Variants in KDM3A observed in about 807,000 individuals in gnomAD.
The protein encoded by KDM3A is lysine demethylase 3A.
Under a neutral mutation model 158.0 loss-of-function variants are expected in KDM3A, and 60 were observed. The observed-to-expected ratio is 0.38, with a 90% CI of 0.31 to 0.47. The LOEUF is 0.47. KDM3A is among the 20% of genes least tolerant of loss of function. The pLI is 0.99. For synonymous variants in KDM3A, 608 were observed against 549.3 expected (o/e 1.11, Z -1.49); for missense variants, 1,319 against 1,574.3 (o/e 0.84, Z 2.74).
In KDM3A at chr2:86,478,525, G is replaced by A. The variant is rs1007609872; in HGVS notation, c.2189-83G>A. ...GGAGTGGGAAAAGTAATCCTGTGGGGAATGCCAGCTTCTGCTCTGTAATGT... is the reference window on the plus strand; with the variant it reads ...GGAGTGGGAAAAGTAATCCTGTGGGAAATGCCAGCTTCTGCTCTGTAATGT... On this transcript the variant is annotated intron_variant, in intron 14 of 25. Coordinates refer to ENST00000312912, the MANE Select transcript of KDM3A (RefSeq NM_018433.6). The A allele has an allele frequency of 3.8e-5, 55 of 1,457,734 alleles. No individual in the cohort carries two copies. In the African/African-American group the frequency reaches 6.2e-4, roughly 16 times the overall value. The allele number at this position is 1,457,734 out of a possible 1,614,324, so 90.3% of individuals were successfully genotyped here.
Position 86,466,465 on chromosome 2 carries a change from G to T in KDM3A, c.1101G>T (p.Gly367=). 1 of 1,613,904 alleles carries T rather than the reference G, an allele frequency of 6.2e-7. No homozygotes were observed. The highest frequency in any genetic ancestry group is 8.5e-7 in the Non-Finnish European group (1 of 1,179,836). ...LRTKPDVCKA[G]LLSKSSQIGT... ...CAAAACCAGATGTCTGCAAAGCAGG[G>T]TTGCTCTCAAAGTCCTCTCAGATTG... is the stretch of plus-strand genomic sequence containing the variant. The change falls in exon 10 of 26, where the codon GGG becomes GGT. Residue 367 remains glycine (G), a synonymous_variant. Transcript: ENST00000312912.
At chr2:86,468,345 A>G (rs1366860329) in intron 10 of KDM3A, among the ~76,000 whole-genome samples, 1 of 152,206 alleles carries the variant, frequency 6.6e-6, no homozygotes, top group East Asian at 1.9e-4. Flanking sequence ...ATTCATAACC[A>G]TATCCTTGTT....
Position 86,466,413 on chromosome 2 carries a change from T to C in KDM3A, c.1049T>C (p.Leu350Pro). Reference sequence around the variant, plus strand: ...TTACCAGAGGAAATTTCTTCCTGTCTAAATACAAAGTCTGAAGCTCTGAGA... The same window carrying C: ...TTACCAGAGGAAATTTCTTCCTGTCCAAATACAAAGTCTGAAGCTCTGAGA... ...QSLPEEISSC[L>P]NTKSEALRTK... The change falls in exon 10 of 26, where the codon CTA becomes CCA. Residue 350 changes from leucine (L) to proline (P), a missense_variant. Around this residue, in one of 4 missense-constraint regions of KDM3A, gnomAD observed 652 missense variants for 627.2 expected, o/e 1.04. Coordinates refer to ENST00000312912, the MANE Select transcript of KDM3A (RefSeq NM_018433.6). 1 of 1,613,314 alleles carries C rather than the reference T, an allele frequency of 6.2e-7. No homozygotes were observed. The highest frequency in any genetic ancestry group is 8.5e-7 in the Non-Finnish European group (1 of 1,179,600).
Position 86,489,400 on chromosome 2 carries a change from T to C in KDM3A, c.3396T>C (p.Tyr1132=), listed in dbSNP as rs1245203761. 4 of 1,613,980 alleles carry C rather than the reference T, an allele frequency of 2.5e-6. No individual in the cohort carries two copies. In the African/African-American group the frequency reaches 4.0e-5, roughly 16 times the overall value. The change falls in exon 22 of 26, where the codon TAT becomes TAC. Residue 1132 remains tyrosine, a synonymous_variant. Transcript: ENST00000312912. ...CTGATGCAGCTAATGTCATGGTCTA[T>C]GTGGGAATTCCCAAAGGACAGTGTG... The part of the protein sequence containing the change: ...DVSDAANVMV[Y]VGIPKGQCEQ...
chr2:86,464,656 G>C (rs1352031869), intron 9 of KDM3A, among the ~76,000 whole-genome samples: 2 of 152,200 alleles, frequency 1.3e-5, no homozygotes, highest in Non-Finnish European at 2.9e-5. Context: ...AAGAATAATA[G>C]AAATGAGGAA....
rs748576324 is a variant in KDM3A, at chr2:86,442,179, C to T, written c.132C>T (p.Leu44=). 6 of 1,613,832 alleles carry T rather than the reference C, an allele frequency of 3.7e-6. No individual in the cohort carries two copies. Among genetic ancestry groups the T allele is most frequent in the South Asian group, 3.3e-5 (3 of 91,068 alleles). Residue 44 remains leucine, a synonymous_variant, in exon 2 of 26, where the codon CTC becomes CTT. Coordinates refer to ENST00000312912, the MANE Select transcript of KDM3A (RefSeq NM_018433.6). The part of the protein sequence containing the change: ...DVERVAEWPW[L]SGTIRAVSHT... The stretch of plus-strand genomic sequence containing the variant: ...AGCGCGTCGCCGAGTGGCCCTGGCT[C>T]TCCGGGACCATTCGAGCTGTTTCCC...
intron 11 of KDM3A, among the ~76,000 whole-genome samples, chr2:86,471,355 GTGTA>G (rs1482108771): frequency 1.6e-5 from 2 of 121,710 alleles, no homozygotes; most frequent in African/African-American, 2.6e-5. Flanking sequence ...ATATGTGTGT[GTGTA>G]TATGTGTATA....
chr2:86,486,691 G>T (rs947179281), intron 21 of KDM3A, among the ~76,000 whole-genome samples: 4 of 152,126 alleles, frequency 2.6e-5, no homozygotes, highest in African/African-American at 9.7e-5. Flanking sequence ...AAAGGACAAG[G>T]TCTGTTGTTG....
intron 11 of KDM3A, among the ~76,000 whole-genome samples, chr2:86,471,754 C>T (rs1283669612): frequency 1.3e-5 from 2 of 152,158 alleles, no homozygotes; most frequent in African/African-American, 4.8e-5. Context: ...CCATTCATCC[C>T]TTTGTAAATT....
At chr2:86,471,091 G>T (rs1019713579) in intron 11 of KDM3A, among the ~76,000 whole-genome samples, 1 of 152,042 alleles carries the variant, frequency 6.6e-6, no homozygotes, top group East Asian at 1.9e-4. Flanking sequence ...CAGGAAGGTC[G>T]CACCTGTGTC....
chr2:86,482,391 T>C, intron 17 of KDM3A, 67 bp from the exon 18 acceptor site: 1 of 1,576,712 alleles, frequency 6.3e-7, no homozygotes, highest in Non-Finnish European at 8.6e-7. Flanking sequence ...ATACTCATTA[T>C]GGGAATGGAG....
At chr2:86,460,790 T>A (rs560580030) in intron 8 of KDM3A, 1 of 152,314 alleles carries the variant, frequency 6.6e-6, no homozygotes, top group East Asian at 1.9e-4. Flanking sequence ...GAGGAACTAT[T>A]GCCATGACTG....
At chr2:86,454,054 C>T (rs531567368) in intron 4 of KDM3A, among the ~76,000 whole-genome samples, 1 of 152,274 alleles carries the variant, frequency 6.6e-6, no homozygotes, top group South Asian at 2.1e-4. Flanking sequence ...GAGCTGCTGC[C>T]AAGAATTGAA....
At chr2:86,457,843 G>A (rs967000669) in intron 8 of KDM3A, among the ~76,000 whole-genome samples, 2 of 152,178 alleles carry the variant, frequency 1.3e-5, no homozygotes, top group Non-Finnish European at 2.9e-5. Flanking sequence ...AAAAGTATAG[G>A]CTTTTGTGAA....
chr2:86,466,600 C>T lies in KDM3A; in HGVS notation c.1236C>T (p.Gly412=), dbSNP rs756390038. Residue 412 remains glycine (G), a synonymous_variant, in exon 10 of 26, where the codon GGC becomes GGT. Coordinates refer to ENST00000312912, the MANE Select transcript of KDM3A (RefSeq NM_018433.6). The stretch of plus-strand genomic sequence containing the variant: ...AGTCTGTTCCACAAGCATTGACTGG[C>T]CTTCCTAAGGAGTGCTTACCTACAA... ...RLESVPQALT[G]LPKECLPTKA... The T allele has an allele frequency of 1.2e-5, 20 of 1,613,900 alleles. No individual in the cohort carries two copies. Among genetic ancestry groups the T allele is most frequent in the Non-Finnish European group, 1.6e-5 (19 of 1,179,888 alleles).
chr2:86,438,552 T>C (rs1003344761), upstream of KDM3A, among the ~76,000 whole-genome samples: 8 of 152,058 alleles, frequency 5.3e-5, no homozygotes, highest in Admixed American at 1.3e-4. Context: ...TAAAATAATT[T>C]GATATAGCCA....
In KDM3A at chr2:86,478,750, T is replaced by G; in HGVS notation, c.2316+15T>G. Reference sequence around the variant, plus strand: ...ACCTAAAACAGGTATTTACTGCTTATGTTAAATTCAACATCTCTTGTAATT... The same window carrying G: ...ACCTAAAACAGGTATTTACTGCTTAGGTTAAATTCAACATCTCTTGTAATT... On this transcript the variant is annotated intron_variant, in intron 15 of 25. Transcript: ENST00000312912. The G allele has an allele frequency of 6.2e-7, 1 of 1,610,486 alleles. No individual in the cohort carries two copies. Among genetic ancestry groups the G allele is most frequent in the South Asian group, 1.1e-5 (1 of 90,684 alleles).
At chr2:86,478,359 AT>A in intron 14 of KDM3A, 94 bp downstream of exon 14, 1 of 971,794 alleles carries the variant, frequency 1.0e-6, no homozygotes, top group Non-Finnish European at 1.6e-6. Context: ...CGTTAAGTTT[AT>A]TTTAGTGTGT....
intron 11 of KDM3A, among the ~76,000 whole-genome samples, chr2:86,471,989 G>A (rs137927686): frequency 2.6e-5 from 4 of 152,072 alleles, no homozygotes; most frequent in African/African-American, 7.2e-5. Flanking sequence ...CACTGAAATG[G>A]TTATGCTTTG....
Sources: allele counts gnomAD v4.1 joint callset (sites outside exome capture counted in the v4.1 genomes callset), GRCh38; gene constraint gnomAD v4.1.1; regional missense constraint gnomAD v4.1.1; transcripts MANE v1.5; gene names NCBI Gene and HGNC (gene_info 2026-07-23, HGNC 2026-07-21).